The following GPHN variants were observed in gnomAD, a reference collection of about 807,000 sequenced individuals.
The protein encoded by GPHN is gephyrin.
In GPHN, 17 loss-of-function variants were observed where a neutral mutation model predicts 95.5. That is an observed-to-expected ratio of 0.18 (90% CI 0.12 to 0.27). The LOEUF (loss-of-function observed/expected upper bound fraction) is 0.27, where lower values mean the gene tolerates loss of function less well. Ranked by LOEUF, GPHN falls within the 10% of genes least tolerant of loss-of-function variation. The pLI, the probability that GPHN is intolerant of heterozygous loss-of-function variation, is 1.00. For missense variants in GPHN, 660 were observed against 978.1 expected (o/e 0.67, Z 4.34); for synonymous variants, 320 against 322.5 (o/e 0.99, Z 0.08).
the GPHN span, among the ~76,000 whole-genome samples, chr14:67,336,006 G>A: frequency 1.3e-5 from 2 of 152,280 alleles, no homozygotes; most frequent in East Asian, 3.9e-4. Flanking sequence ...GGTAGGTCCT[G>A]TTTCCTTAAT....
the GPHN span, among the ~76,000 whole-genome samples, chr14:67,216,080 C>G: frequency 6.6e-6 from 1 of 152,200 alleles, no homozygotes; most frequent in African/African-American, 2.4e-5. Context: ...ACCGTGTCCT[C>G]CTACCAATCC....
the GPHN span, among the ~76,000 whole-genome samples, chr14:67,485,029 T>C: frequency 6.6e-6 from 1 of 152,248 alleles, no homozygotes; most frequent in Non-Finnish European, 1.5e-5. Context: ...TTCCCATTTC[T>C]ACTACTACAG....
At chr14:67,474,577 AT>A in the GPHN span, among the ~76,000 whole-genome samples, 5,744 of 152,222 alleles carry the variant, frequency 0.038, 110 homozygotes, top group Middle Eastern at 0.051. Flanking sequence ...TGTGCATGCC[AT>A]TTTTTAACCA....
At chr14:67,419,887 T>A in the GPHN span, among the ~76,000 whole-genome samples, 1 of 151,536 alleles carries the variant, frequency 6.6e-6, no homozygotes, top group East Asian at 1.9e-4. Context: ...CTAAGCCACA[T>A]GGCAGTGGGT....
the GPHN span, chr14:67,569,918 C>CA: frequency 6.3e-7 from 1 of 1,596,818 alleles, no homozygotes; most frequent in Non-Finnish European, 8.6e-7. Context: ...CTTCCCTGCT[C>CA]AGCTTCAAGC....
chr14:67,227,878 T>G, the GPHN span: 1 of 152,276 alleles, frequency 6.6e-6, no homozygotes, highest in Non-Finnish European at 1.5e-5. Context: ...TTTAAGAAAT[T>G]AAGTTTCTTG....
chr14:67,316,978 T>C, the GPHN span: 5 of 1,174,230 alleles, frequency 4.3e-6, no homozygotes, highest in Non-Finnish European at 6.2e-6. Flanking sequence ...ATCTGCATAT[T>C]AGAACCGTGA....
chr14:67,525,961 G>C, the GPHN span, among the ~76,000 whole-genome samples: 1 of 152,298 alleles, frequency 6.6e-6, no homozygotes, highest in East Asian at 1.9e-4. Flanking sequence ...AGAAACAGCA[G>C]CCCCGTGTCA....
At chr14:66,659,620 T>G (rs1431281927) in intron 1 of GPHN, among the ~76,000 whole-genome samples, 1 of 152,120 alleles carries the variant, frequency 6.6e-6, no homozygotes. Flanking sequence ...ATATACACCT[T>G]TAGGATTGTT....
At chr14:67,588,583 CCT>C in the GPHN span, 1 of 152,064 alleles carries the variant, frequency 6.6e-6, no homozygotes, top group Non-Finnish European at 1.5e-5. Flanking sequence ...TAGACAGTCT[CCT>C]CTAGACAGGT....
chr14:67,678,356 C>T, the GPHN span: 66 of 1,613,892 alleles, frequency 4.1e-5, no homozygotes, highest in Non-Finnish European at 5.1e-5. Flanking sequence ...TCACAACTGA[C>T]GTCCCACAGC....
At chr14:66,530,187 T>C (rs892885659) in intron 1 of GPHN, among the ~76,000 whole-genome samples, 1 of 152,156 alleles carries the variant, frequency 6.6e-6, no homozygotes, top group African/African-American at 2.4e-5. Context: ...CTACAGCGGC[T>C]TGGCTGAGCT....
the GPHN span, chr14:67,374,415 A>G: frequency 2.1e-5 from 24 of 1,155,364 alleles, no homozygotes; most frequent in Middle Eastern, 2.0e-4. Context: ...GCTGGTTACA[A>G]TAGTACAGTG....
At chr14:66,831,530 T>C (rs2061579040) in intron 4 of GPHN, among the ~76,000 whole-genome samples, 1 of 152,190 alleles carries the variant, frequency 6.6e-6, no homozygotes, top group Admixed American at 6.5e-5. Flanking sequence ...TCCCATGTCA[T>C]ATCTTTGTCT....
intron 2 of GPHN, among the ~76,000 whole-genome samples, chr14:66,750,559 CT>C (rs1416987320): frequency 7.2e-5 from 11 of 151,810 alleles, no homozygotes; most frequent in Non-Finnish European, 1.5e-4. Context: ...TTGGTGCCCC[CT>C]CACTTTTTTA....
At chr14:66,920,483 A>C (rs1215836043) in intron 6 of GPHN, among the ~76,000 whole-genome samples, 1 of 151,030 alleles carries the variant, frequency 6.6e-6, no homozygotes, top group African/African-American at 2.4e-5. Flanking sequence ...GCATCTTTCA[A>C]CTACCAAGTT....
intron 10 of GPHN, among the ~76,000 whole-genome samples, chr14:67,046,491 T>G (rs2075026013): frequency 6.6e-6 from 1 of 152,308 alleles, no homozygotes; most frequent in Admixed American, 6.5e-5. Flanking sequence ...AATAAGGGTT[T>G]TATATACTAT....
At chr14:66,687,792 A>G (rs1232364906) in intron 2 of GPHN, among the ~76,000 whole-genome samples, 1 of 152,040 alleles carries the variant, frequency 6.6e-6, no homozygotes, top group Non-Finnish European at 1.5e-5. Flanking sequence ...CCTGGCCAAT[A>G]TTATTTCTTT....
In GPHN at chr14:66,529,596, G is replaced by A. The variant is rs559017000; in HGVS notation, c.64+21005G>A. ...TTTGTGCTGGTTTCTCCCTATCTTT[G>A]TGGATTTATCTACCTTTGTTCTTTG... is the stretch of plus-strand genomic sequence containing the variant. On this transcript the variant is annotated intron_variant, in intron 1 of 22. Coordinates refer to ENST00000478722, the MANE Select transcript of GPHN (RefSeq NM_020806.5). Among the ~76,000 whole-genome samples, 3 of 152,268 alleles carry A rather than the reference G, an allele frequency of 2.0e-5. No individual in the cohort carries two copies. The East Asian group carries it at 5.8e-4, about 29-fold the overall frequency.
Sources: allele counts gnomAD v4.1 joint callset (sites outside exome capture counted in the v4.1 genomes callset), GRCh38; gene constraint gnomAD v4.1.1; transcripts MANE v1.5; gene names NCBI Gene and HGNC (gene_info 2026-07-23, HGNC 2026-07-21).